C14orf93: variants seen among roughly 807,000 people sequenced by gnomAD.
The protein encoded by C14orf93 is chromosome 14 open reading frame 93, also known as uncharacterized protein C14orf93.
C14orf93 carries 23 observed loss-of-function variants against 44.0 expected under a neutral mutation model. The ratio of observed to expected loss-of-function variants is 0.52; its 90% CI spans 0.38 to 0.74. C14orf93 has a LOEUF of 0.74. Among genes scored for constraint, C14orf93 ranks in the 30% least tolerant of loss-of-function variants. C14orf93 has a pLI of 0.00. For missense variants in C14orf93, 579 were observed against 678.9 expected, an observed-to-expected ratio of 0.85 and a Z score of 1.64; for synonymous variants, 253 against 265.7, an observed-to-expected ratio of 0.95 and a Z score of 0.46.
intron 3 of C14orf93, among the ~76,000 whole-genome samples, chr14:22,991,640 G>A (rs911246715): frequency 6.8e-6 from 1 of 147,466 alleles, no homozygotes; most frequent in Non-Finnish European, 1.5e-5. Flanking sequence ...GCGGGATCTC[G>A]GCTCACTGCA....
chr14:22,992,683 A>G (rs1197565766), intron 3 of C14orf93, among the ~76,000 whole-genome samples: 1 of 148,804 alleles, frequency 6.7e-6, no homozygotes, highest in Non-Finnish European at 1.5e-5. Context: ...GTCCTGGTTC[A>G]AGCAATTCTC....
Position 22,987,714 on chromosome 14 carries a change from G to T in C14orf93, c.1198-80C>A. Reference sequence around the variant, plus strand: ...TTTGGGGAAAAGGTTTGGTGGGGAAGGCTGTGTAAAATCTGTGCCTAAGTG... The same window carrying T: ...TTTGGGGAAAAGGTTTGGTGGGGAATGCTGTGTAAAATCTGTGCCTAAGTG... On this transcript the variant is annotated intron_variant, in intron 6 of 6. Coordinates refer to ENST00000299088, the MANE Select transcript of C14orf93 (RefSeq NM_021944.4). The surrounding 1 kb of genome is among the most constrained non-coding windows in gnomAD (Gnocchi z 5.6). 2.1e-6 allele frequency: 3 copies of T among 1,446,102 alleles called. No homozygotes were observed. The highest frequency in any genetic ancestry group is 2.8e-6 in the Non-Finnish European group (3 of 1,077,246). The allele number at this position is 1,446,102 out of a possible 1,614,324, so 89.6% of individuals were successfully genotyped here.
intron 3 of C14orf93, among the ~76,000 whole-genome samples, chr14:22,995,700 AAAAG>A (rs1157949470): frequency 7.3e-5 from 11 of 151,534 alleles, no homozygotes; most frequent in South Asian, 2.1e-4. Flanking sequence ...AAAAAAAAAA[AAAAG>A]AACACCAGGA....
At chr14:23,001,332 G>C (rs2046282456) in intron 1 of C14orf93, among the ~76,000 whole-genome samples, 1 of 152,192 alleles carries the variant, frequency 6.6e-6, no homozygotes, top group Admixed American at 6.5e-5. Flanking sequence ...GCATCCGGCT[G>C]GGACACTGGC....
At position 22,986,630 on chromosome 14, in the gene C14orf93, A is replaced by AT. The variant is rs1461599062; in HGVS notation, c.*584dup. ...TCATCTGTAAGATAGGAATAGTAAA[A>AT]TTTTCCTCATGTAATTCAATAAACA... On this transcript the variant is annotated 3_prime_UTR_variant, in exon 7 of 7. Transcript: ENST00000299088. 1 of 153,700 alleles carries AT rather than the reference A, an allele frequency of 6.5e-6. No homozygotes were observed. The highest frequency in any genetic ancestry group is 2.4e-5 in the African/African-American group (1 of 41,414). 9.5% of individuals were successfully genotyped at this position (153,700 alleles called of 1,614,324 possible).
At chr14:23,007,259 CA>C (rs1435006373) in intron 1 of C14orf93, 5 of 152,278 alleles carry the variant, frequency 3.3e-5, no homozygotes, top group Admixed American at 6.5e-5. Context: ...TGGCTGCAAA[CA>C]ACAGTCACTC....
intron 3 of C14orf93, among the ~76,000 whole-genome samples, chr14:22,991,607 T>C (rs1339228070): frequency 1.3e-5 from 2 of 151,240 alleles, no homozygotes; most frequent in Non-Finnish European, 2.9e-5. Context: ...AGTCTCACTC[T>C]GTTGCCAGGC....
At chr14:23,005,051 G>T (rs1411442340) in intron 1 of C14orf93, 3 of 152,092 alleles carry the variant, frequency 2.0e-5, no homozygotes, top group Admixed American at 6.6e-5. Flanking sequence ...ATCATACTGA[G>T]AAAGAGTTCT....
At chr14:23,004,633 T>C (rs116456965) in intron 1 of C14orf93, among the ~76,000 whole-genome samples, 6 of 152,162 alleles carry the variant, frequency 3.9e-5, no homozygotes, top group Non-Finnish European at 5.9e-5. Context: ...AAAAAACAAA[T>C]TGAGGCCAGG....
chr14:22,987,639 G>A lies in C14orf93; in HGVS notation c.1198-5C>T. 1.3e-6 allele frequency: 2 copies of A among 1,575,676 alleles called. No homozygotes were observed. The highest frequency in any genetic ancestry group is 1.7e-6 in the Non-Finnish European group (2 of 1,161,842). On this transcript the variant is annotated splice_region_variant and splice_polypyrimidine_tract_variant and intron_variant, in intron 6 of 6. Transcript: ENST00000299088. The surrounding 1 kb of genome is among the most constrained non-coding windows in gnomAD (Gnocchi z 5.6). ...ACTGGATCGGTTGGCAAAAAGCTAA[G>A]GCAGGAACCCAGGAGATAGATTAGG...
In C14orf93 at chr14:22,996,012, G is replaced by A. The variant is rs762200583; in HGVS notation, c.854C>T (p.Ser285Phe). ...CCCACTTCCTCTGGTCCTGCATGGG[G>A]AAACGGTCAGCCCTAGAGAGTGTCT... ...ELRHSLGLTV[S>F]PCRTRGSGQK... Residue 285 changes from serine to phenylalanine, a missense_variant, in exon 3 of 7, where the codon TCC becomes TTC. Transcript: ENST00000299088. This position sits in a 1 kb window ranked among gnomAD's most constrained non-coding sequence, Gnocchi z 4.1. 1 of 1,613,246 alleles carries A rather than the reference G, an allele frequency of 6.2e-7. No individual in the cohort carries two copies. The highest frequency in any genetic ancestry group is 1.7e-5 in the Admixed American group (1 of 59,958).
chr14:22,995,861 T>C, intron 3 of C14orf93, 87 bp downstream of exon 3: 1 of 1,282,798 alleles, frequency 7.8e-7, no homozygotes, highest in Non-Finnish European at 1.1e-6. Flanking sequence ...ATTCATTCAA[T>C]ATGGGAGGCC....
chr14:23,006,653 A>C (rs1447866853), intron 1 of C14orf93: 3 of 152,268 alleles, frequency 2.0e-5, no homozygotes, highest in Non-Finnish European at 4.4e-5. Context: ...AGAACTTGGT[A>C]AATGTTAGTT....
Position 22,987,118 on chromosome 14 carries a change from CT to C in C14orf93, c.*96del. ...AAAGAGGCAAATTTGCTTTCTCAGACTGCACAGAGCATCTCATTATTTTGTG... is the reference window on the plus strand; with the variant it reads ...AAAGAGGCAAATTTGCTTTCTCAGACGCACAGAGCATCTCATTATTTTGTG... On this transcript the variant is annotated 3_prime_UTR_variant, in exon 7 of 7. Transcript: ENST00000299088. The surrounding 1 kb of genome is among the most constrained non-coding windows in gnomAD (Gnocchi z 5.6). 7.5e-7 allele frequency: 1 copy of C among 1,331,024 alleles called. No homozygotes were observed. Among genetic ancestry groups the C allele is most frequent in the Non-Finnish European group, 1.0e-6 (1 of 985,646 alleles). The allele number at this position is 1,331,024 out of a possible 1,614,324, so 82.5% of individuals were successfully genotyped here.
chr14:22,997,246 C>T (rs1355779208), intron 2 of C14orf93, among the ~76,000 whole-genome samples: 1 of 152,248 alleles, frequency 6.6e-6, no homozygotes, highest in East Asian at 1.9e-4. Flanking sequence ...TGGCCATTAC[C>T]CATATGGCTG....
chr14:22,986,883 C>A lies in C14orf93; in HGVS notation c.*332G>T. 1 of 311,742 alleles carries A rather than the reference C, an allele frequency of 3.2e-6. No homozygotes were observed. The highest frequency in any genetic ancestry group is 6.0e-6 in the Non-Finnish European group (1 of 166,410). The allele number at this position is 311,742 out of a possible 1,614,324, so 19.3% of individuals were successfully genotyped here. On this transcript the variant is annotated 3_prime_UTR_variant, in exon 7 of 7. Coordinates refer to ENST00000299088, the MANE Select transcript of C14orf93 (RefSeq NM_021944.4). ...GGGTGGAACTGGGCAGGGGCAGAAA[C>A]AACTCAGAGACAGGGCATATGTCAA...
chr14:22,988,236 C>T (rs557593394), intron 5 of C14orf93, among the ~76,000 whole-genome samples: 169 of 151,732 alleles, frequency 1.1e-3, no homozygotes, highest in Middle Eastern at 3.5e-3. Flanking sequence ...TGGGTTCAAG[C>T]GATTCTCCTG....
chr14:22,990,623 T>A (rs1292334255), intron 3 of C14orf93, among the ~76,000 whole-genome samples: 2 of 150,498 alleles, frequency 1.3e-5, no homozygotes, highest in African/African-American at 4.9e-5. Context: ...GCACCTGCCA[T>A]CATGCCTGGC....
Position 22,993,207 on chromosome 14 carries a change from A to C in C14orf93, c.918+2741T>G, listed in dbSNP as rs887255480. ...AATGCAGGGTTTTAACATGTCCTTC[A>C]ATTAAGTTTAGTTGTTTCTGATTGT... On this transcript the variant is annotated intron_variant, in intron 3 of 6. Transcript: ENST00000299088. 2.1e-4 allele frequency among the ~76,000 whole-genome samples: 32 copies of C among 152,158 alleles called. 1 individual carries two copies. The highest frequency in any genetic ancestry group is 5.2e-4 in the Admixed American group (8 of 15,278).
Sources: gnomAD v4.1 joint callset for allele counts (sites outside exome capture counted in the v4.1 genomes callset) on GRCh38, gnomAD v4.1.1 for gene constraint, Gnocchi (gnomAD v3.1) non-coding constraint, MANE v1.5 for transcripts, NCBI Gene and HGNC (gene_info 2026-07-23, HGNC 2026-07-21) for gene names.